Variants in PBX3 observed in about 807,000 individuals in gnomAD.
PBX3 encodes PBX homeobox 3.
A neutral mutation model predicts 48.5 loss-of-function variants in PBX3; 14 were observed. That is an observed-to-expected ratio of 0.29 (90% confidence interval 0.19 to 0.45). PBX3 has a LOEUF of 0.45. Ranked by LOEUF, PBX3 falls within the 20% of genes least tolerant of loss-of-function variation. PBX3 has a pLI of 1.00. For missense variants in PBX3, 386 were observed against 546.7 expected, an observed-to-expected ratio of 0.71 and a Z score of 2.93; for synonymous variants, 210 against 200.3, an observed-to-expected ratio of 1.05 and a Z score of -0.41.
At chr9:125,887,514 TG>T (rs1364795335) in intron 2 of PBX3, among the ~76,000 whole-genome samples, 1 of 152,232 alleles carries the variant, frequency 6.6e-6, no homozygotes, top group Non-Finnish European at 1.5e-5. Context: ...ATTTTGAAGC[TG>T]TTTTTTAACT....
intron 2 of PBX3, among the ~76,000 whole-genome samples, chr9:125,860,008 C>T (rs1839821093): frequency 1.3e-5 from 2 of 152,186 alleles, no homozygotes; most frequent in Admixed American, 1.3e-4. Context: ...CCTATGGGAC[C>T]CCAGCTGAGA....
intron 2 of PBX3, among the ~76,000 whole-genome samples, chr9:125,904,307 T>TATA (rs911210999): frequency 7.9e-5 from 12 of 151,922 alleles, no homozygotes; most frequent in African/African-American, 2.7e-4. Context: ...CTTGATTTCC[T>TATA]ATAGCACAGC....
chr9:125,752,522 T>C (rs774031627), intron 2 of PBX3, among the ~76,000 whole-genome samples: 26 of 152,188 alleles, frequency 1.7e-4, no homozygotes, highest in Admixed American at 3.9e-4. Flanking sequence ...CCTTTTATCT[T>C]TATTGCTAGA....
Position 125,966,055 on chromosome 9 carries a change from G to T in PBX3, c.*132G>T. The stretch of plus-strand genomic sequence containing the variant: ...AAAACCTTGTCTTATTCGAGAACTT[G>T]GTAAATCTGTTTTTTAAGGAATCAT... On this transcript the variant is annotated 3_prime_UTR_variant, in exon 9 of 9. Transcript: ENST00000373489. 2 of 554,184 alleles carry T rather than the reference G, an allele frequency of 3.6e-6. No individual in the cohort carries two copies. The highest frequency in any genetic ancestry group is 2.9e-5 in the East Asian group (1 of 34,626). The allele number at this position is 554,184 out of a possible 1,614,324, so 34.3% of individuals were successfully genotyped here. A position where few individuals can be genotyped will look rare whatever the true frequency, so the allele number is the denominator to read the frequency against.
chr9:125,932,246 C>T (rs1322317162), intron 4 of PBX3, among the ~76,000 whole-genome samples: 6 of 152,136 alleles, frequency 3.9e-5, no homozygotes, highest in Non-Finnish European at 7.3e-5. Context: ...CTCATCGTTC[C>T]GGATCTGGTC....
chr9:125,845,340 A>G (rs1168502037), intron 2 of PBX3, among the ~76,000 whole-genome samples: 1 of 152,098 alleles, frequency 6.6e-6, no homozygotes, highest in Non-Finnish European at 1.5e-5. Context: ...ATACAGTTGC[A>G]TACATTACGC....
intron 2 of PBX3, among the ~76,000 whole-genome samples, chr9:125,913,199 A>G (rs1219869153): frequency 1.3e-5 from 2 of 152,082 alleles, no homozygotes; most frequent in African/African-American, 2.4e-5. Flanking sequence ...CTAAAGAACT[A>G]TGAGTTTTCC....
chr9:125,829,343 A>G (rs1003322955), intron 2 of PBX3, among the ~76,000 whole-genome samples: 2 of 152,154 alleles, frequency 1.3e-5, no homozygotes, highest in Non-Finnish European at 2.9e-5. Context: ...GTCAAATGCA[A>G]CCGAGGTACA....
chr9:125,781,005 G>T (rs1368177326), intron 2 of PBX3, among the ~76,000 whole-genome samples: 3 of 103,924 alleles, frequency 2.9e-5, no homozygotes, highest in African/African-American at 4.2e-5. Context: ...ATGGGATGGC[G>T]GCCGGGCAGA....
chr9:125,965,191 A>G (rs899729210), intron 8 of PBX3, among the ~76,000 whole-genome samples: 2 of 152,222 alleles, frequency 1.3e-5, no homozygotes, highest in Non-Finnish European at 2.9e-5. Context: ...TTGCTGCTGC[A>G]GGTCTGAGGC....
rs190355551 is a variant in PBX3, at chr9:125,903,773, C to T, written c.275-11913C>T. On this transcript the variant is annotated intron_variant, in intron 2 of 8. Coordinates refer to ENST00000373489, the MANE Select transcript of PBX3 (RefSeq NM_006195.6). ...AAAAATAAAATAGAAATGAGTGTTT[C>T]TGTAAGGCATTTACTCTGTCTTTTA... Among the ~76,000 whole-genome samples, 7 of 151,928 alleles carry T rather than the reference C, an allele frequency of 4.6e-5. No individual in the cohort carries two copies. The East Asian group carries it at 1.2e-3, about 25-fold the overall frequency.
At chr9:125,867,363 T>C (rs1045557114) in intron 2 of PBX3, among the ~76,000 whole-genome samples, 5 of 152,120 alleles carry the variant, frequency 3.3e-5, no homozygotes, top group Admixed American at 1.3e-4. Context: ...ACAAAATTGT[T>C]GGGTGTGGTG....
At chr9:125,846,529 C>G (rs1341856499) in intron 2 of PBX3, among the ~76,000 whole-genome samples, 1 of 152,008 alleles carries the variant, frequency 6.6e-6, no homozygotes. Context: ...ACCTCCTTCT[C>G]TCTTAAATTT....
At chr9:125,937,141 A>G (rs989736428) in intron 5 of PBX3, among the ~76,000 whole-genome samples, 3 of 152,206 alleles carry the variant, frequency 2.0e-5, no homozygotes, top group African/African-American at 4.8e-5. Flanking sequence ...TAGTATATGC[A>G]CCATTAGAGA....
At chr9:125,780,344 G>A (rs1239790327) in intron 2 of PBX3, among the ~76,000 whole-genome samples, 1 of 140,814 alleles carries the variant, frequency 7.1e-6, no homozygotes, top group Non-Finnish European at 1.6e-5. Flanking sequence ...CCTCCCGGAC[G>A]GGGCGGCTGG....
At chr9:125,926,096 A>G (rs1236421072) in intron 3 of PBX3, among the ~76,000 whole-genome samples, 2 of 152,268 alleles carry the variant, frequency 1.3e-5, no homozygotes, top group Non-Finnish European at 2.9e-5. Flanking sequence ...ACTGAAGGGT[A>G]GAGTTGGTCA....
chr9:125,956,700 T>G (rs1588339693), intron 5 of PBX3, among the ~76,000 whole-genome samples: 1 of 152,232 alleles, frequency 6.6e-6, no homozygotes, highest in East Asian at 1.9e-4. Context: ...GATCTTAAAA[T>G]TCTTCCATGG....
At chr9:125,790,750 A>G (rs1837578048) in intron 2 of PBX3, among the ~76,000 whole-genome samples, 1 of 151,740 alleles carries the variant, frequency 6.6e-6, no homozygotes, top group Non-Finnish European at 1.5e-5. Context: ...TATTTTTTGT[A>G]GAGATGGGGT....
intron 2 of PBX3, among the ~76,000 whole-genome samples, chr9:125,851,498 T>C (rs932405280): frequency 6.6e-6 from 1 of 152,074 alleles, no homozygotes; most frequent in African/African-American, 2.4e-5. Flanking sequence ...TAGGAGATAT[T>C]TTATAGAAGC....
Sources: allele counts gnomAD v4.1 joint callset (sites outside exome capture counted in the v4.1 genomes callset), GRCh38; gene constraint gnomAD v4.1.1; transcripts MANE v1.5; gene names NCBI Gene and HGNC (gene_info 2026-07-23, HGNC 2026-07-21).